The following SNRK variants were observed in gnomAD, a reference collection of about 807,000 sequenced individuals.
SNRK encodes the protein SNF related kinase, also known as SNF-related serine/threonine-protein kinase.
SNRK carries 3 observed loss-of-function variants against 48.2 expected under a neutral mutation model. The ratio of observed to expected loss-of-function variants is 0.06; its 90% confidence interval spans 0.03 to 0.16. SNRK has a LOEUF of 0.16. SNRK is among the 10% of genes least tolerant of loss of function. The pLI is 1.00. For missense variants in SNRK, 627 were observed against 976.0 expected, an observed-to-expected ratio of 0.64 and a Z score of 4.76; for synonymous variants, 376 against 366.1, an observed-to-expected ratio of 1.03 and a Z score of -0.31.
rs1443934682 is a variant in SNRK at position 43,343,549 on chromosome 3, T to TA, written c.1079+73dup. On this transcript the variant is annotated intron_variant, in intron 6 of 6. Coordinates refer to ENST00000296088, the MANE Select transcript of SNRK (RefSeq NM_017719.5). The stretch of plus-strand genomic sequence containing the variant: ...AATAGCGAACTTTTTTTTTTTTTTT[T>TA]AATGCTTCCTAACTCTTTGGGGCAA... 6 of 1,322,104 alleles carry TA rather than the reference T, an allele frequency of 4.5e-6. No homozygotes were observed. In the East Asian group the frequency reaches 1.5e-4, roughly 32 times the overall value. 81.9% of individuals were successfully genotyped at this position (1,322,104 alleles called of 1,614,324 possible).
chr3:43,347,167 G>A lies in SNRK; in HGVS notation c.1080-172G>A, dbSNP rs113563282. On this transcript the variant is annotated intron_variant, in intron 6 of 6. Coordinates refer to ENST00000296088, the MANE Select transcript of SNRK (RefSeq NM_017719.5). The surrounding 1 kb of genome is among the most constrained non-coding windows in gnomAD (Gnocchi z 5.4). ...TGAACCATGTTTCAAAACCACATTT[G>A]CCCTTCTGGTGGCCTTGCTGATGTT... 4 of 592,610 alleles carry A rather than the reference G, an allele frequency of 6.7e-6. No individual in the cohort carries two copies. The highest frequency in any genetic ancestry group is 5.5e-5 in the African/African-American group (3 of 54,308). 36.7% of individuals were successfully genotyped at this position (592,610 alleles called of 1,614,324 possible). A position where few individuals can be genotyped will look rare whatever the true frequency, so the allele number is the denominator to read the frequency against.
intron 3 of SNRK, among the ~76,000 whole-genome samples, chr3:43,305,448 T>C (rs1365709518): frequency 6.6e-6 from 1 of 151,956 alleles, no homozygotes; most frequent in Non-Finnish European, 1.5e-5. Flanking sequence ...ACAAAGCAAA[T>C]TGATGAAGAG....
At position 43,349,564 on chromosome 3, in the gene SNRK, T is replaced by C. The variant is rs1362134609; in HGVS notation, c.*1007T>C. 6.6e-6 allele frequency: 1 copy of C among 152,248 alleles called. No homozygotes were observed. Among genetic ancestry groups the C allele is most frequent in the East Asian group, 1.9e-4 (1 of 5,206 alleles). 9.4% of individuals were successfully genotyped at this position (152,248 alleles called of 1,614,324 possible). A position where few individuals can be genotyped will look rare whatever the true frequency, so the allele number is the denominator to read the frequency against. ...ATTCAGTTATATCCTTTGGCTCAGCTAGCTTTGAAATTGGCTGATGAAAAA... is the reference window on the plus strand; with the variant it reads ...ATTCAGTTATATCCTTTGGCTCAGCCAGCTTTGAAATTGGCTGATGAAAAA... On this transcript the variant is annotated 3_prime_UTR_variant, in exon 7 of 7. Transcript: ENST00000296088.
intron 5 of SNRK, among the ~76,000 whole-genome samples, chr3:43,341,748 C>G (rs79130091): frequency 0.033 from 4,995 of 152,218 alleles, 262 homozygotes; most frequent in African/African-American, 0.11. Flanking sequence ...ACCTGCAGAC[C>G]CCTGCTGTGT....
intron 5 of SNRK, chr3:43,340,827 T>C (rs1383449594): frequency 2.2e-5 from 6 of 277,378 alleles, no homozygotes; most frequent in Non-Finnish European, 4.1e-5. Flanking sequence ...CTCATTCCTC[T>C]GTCTCCTGCC....
chr3:43,313,712 G>A (rs1490897265), intron 3 of SNRK, among the ~76,000 whole-genome samples: 1 of 152,168 alleles, frequency 6.6e-6, no homozygotes, highest in Non-Finnish European at 1.5e-5. Context: ...GCTCTGTGGA[G>A]TGTACCAATA....
intron 3 of SNRK, among the ~76,000 whole-genome samples, chr3:43,305,721 G>C (rs1388275071): frequency 1.3e-5 from 2 of 151,802 alleles, no homozygotes; most frequent in Admixed American, 1.3e-4. Flanking sequence ...TCCTGACCTC[G>C]TGATCCACCC....
rs1195709443 is a variant in SNRK at position 43,347,170 on chromosome 3, C to T, written c.1080-169C>T. ...ACCATGTTTCAAAACCACATTTGCC[C>T]TTCTGGTGGCCTTGCTGATGTTTAC... On this transcript the variant is annotated intron_variant, in intron 6 of 6. Transcript: ENST00000296088. The surrounding 1 kb of genome is among the most constrained non-coding windows in gnomAD (Gnocchi z 5.4). 1.6e-6 allele frequency: 1 copy of T among 624,960 alleles called. No homozygotes were observed. The highest frequency in any genetic ancestry group is 3.3e-5 in the Admixed American group (1 of 30,602). The allele number at this position is 624,960 out of a possible 1,614,324, so 38.7% of individuals were successfully genotyped here.
chr3:43,322,839 C>T (rs1023313009), intron 3 of SNRK, among the ~76,000 whole-genome samples: 6 of 150,238 alleles, frequency 4.0e-5, no homozygotes, highest in Non-Finnish European at 8.9e-5. Flanking sequence ...GTAGTCCCAG[C>T]TACTCAGGAG....
rs922083745 is a variant in SNRK, at chr3:43,296,935, A to G, written c.-168-2819A>G. On this transcript the variant is annotated intron_variant, in intron 1 of 6. Coordinates refer to ENST00000296088, the MANE Select transcript of SNRK (RefSeq NM_017719.5). The stretch of plus-strand genomic sequence containing the variant: ...CTGTCTTCAGTAGGAGAACATCAGT[A>G]TATTCTTGCAGCACATAACAGTACT... Among the ~76,000 whole-genome samples, 8 of 152,192 alleles carry G rather than the reference A, an allele frequency of 5.3e-5. No homozygotes were observed. The South Asian group carries it at 6.2e-4, about 12-fold the overall frequency.
intron 3 of SNRK, among the ~76,000 whole-genome samples, chr3:43,322,045 A>T (rs977688965): frequency 6.6e-6 from 1 of 152,252 alleles, no homozygotes; most frequent in Admixed American, 6.5e-5. Context: ...TTGAATATAC[A>T]TATCAGTGTC....
chr3:43,336,748 T>TGTTTTGGTTTTG (rs1208013767), intron 4 of SNRK, among the ~76,000 whole-genome samples: 4 of 151,712 alleles, frequency 2.6e-5, no homozygotes, highest in Non-Finnish European at 5.9e-5. Context: ...TTTGTTTGTT[T>TGTTTTGGTTTTG]GTTTTGGTTT....
intron 3 of SNRK, among the ~76,000 whole-genome samples, chr3:43,307,318 T>A (rs17075540): frequency 0.024 from 3,586 of 152,304 alleles, 150 homozygotes; most frequent in African/African-American, 0.081. Flanking sequence ...TGCTTTAGAT[T>A]TATCCCTTTT....
At chr3:43,296,685 G>A (rs2090858539) in intron 1 of SNRK, among the ~76,000 whole-genome samples, 1 of 152,130 alleles carries the variant, frequency 6.6e-6, no homozygotes, top group South Asian at 2.1e-4. Context: ...AGAGGTGTGA[G>A]GAAGAGGCAT....
chr3:43,303,905 A>T lies in SNRK; in HGVS notation c.589+113A>T, dbSNP rs2090916058. ...GAGAATTTCTGTTAAATTGGCCTTA[A>T]CTAGCAAATTGGGTTTCATAAATGC... On this transcript the variant is annotated intron_variant, in intron 3 of 6. Coordinates refer to ENST00000296088, the MANE Select transcript of SNRK (RefSeq NM_017719.5). The surrounding 1 kb of genome is among the most constrained non-coding windows in gnomAD (Gnocchi z 6.2). 3.8e-6 allele frequency: 3 copies of T among 783,532 alleles called. No homozygotes were observed. Among genetic ancestry groups the T allele is most frequent in the African/African-American group, 3.5e-5 (2 of 57,862 alleles). The allele number at this position is 783,532 out of a possible 1,614,324, so 48.5% of individuals were successfully genotyped here. A position where few individuals can be genotyped will look rare whatever the true frequency, so the allele number is the denominator to read the frequency against.
intron 1 of SNRK, among the ~76,000 whole-genome samples, chr3:43,287,022 G>A (rs1212947220): frequency 6.8e-6 from 1 of 147,454 alleles, no homozygotes. Flanking sequence ...CCGCATCCCC[G>A]CGCCCCGCCC....
intron 3 of SNRK, among the ~76,000 whole-genome samples, chr3:43,320,660 G>C (rs2091046667): frequency 6.7e-6 from 1 of 148,912 alleles, no homozygotes; most frequent in Admixed American, 6.6e-5. Context: ...TATCAGAGTA[G>C]CTGGGTTTTT....
chr3:43,293,263 C>T (rs1006347584), intron 1 of SNRK, among the ~76,000 whole-genome samples: 14 of 152,208 alleles, frequency 9.2e-5, no homozygotes, highest in South Asian at 2.1e-4. Context: ...TGAGCCACCA[C>T]GTTGGGCTGC....
chr3:43,320,504 T>C (rs1482052538), intron 3 of SNRK, among the ~76,000 whole-genome samples: 1 of 152,194 alleles, frequency 6.6e-6, no homozygotes, highest in Non-Finnish European at 1.5e-5. Flanking sequence ...GATTCTCAGC[T>C]TTGTATTCAG....
Sources: allele counts gnomAD v4.1 joint callset (sites outside exome capture counted in the v4.1 genomes callset), GRCh38; gene constraint gnomAD v4.1.1; non-coding constraint Gnocchi (gnomAD v3.1); transcripts MANE v1.5; gene names NCBI Gene and HGNC (gene_info 2026-07-23, HGNC 2026-07-21).